Variants in ST6GALNAC6 observed in about 807,000 individuals in gnomAD.
ST6GALNAC6 encodes the protein ST6 N-acetylgalactosaminide alpha-2,6-sialyltransferase 6.
A neutral mutation model predicts 34.3 loss-of-function variants in ST6GALNAC6; 19 were observed. The observed-to-expected ratio is 0.55, with a 90% CI of 0.39 to 0.81. The LOEUF is 0.81. Ranked by LOEUF, ST6GALNAC6 falls within the 40% of genes least tolerant of loss-of-function variation. ST6GALNAC6 has a pLI of 0.00. For missense variants in ST6GALNAC6, 377 were observed against 467.7 expected (o/e 0.81, Z 1.79); for synonymous variants, 185 against 182.1 (o/e 1.02, Z -0.13).
In ST6GALNAC6 at chr9:127,896,271, T is replaced by TGCTGAGGGGTAGGTGTCG. The variant is rs1375369937; in HGVS notation, c.70_87dup (p.His25_Arg30dup). On this transcript the variant is annotated inframe_insertion, in exon 3 of 7. Transcript: ENST00000373146. ...TTGCTACTCATTTCTCTCCGGCGTC[T>TGCTGAGGGGTAGGTGTCG]GCTGAGGGGTAGGTGTCGGCGTCCT... The TGCTGAGGGGTAGGTGTCG allele has an allele frequency of 6.2e-7, 1 of 1,614,124 alleles. No homozygotes were observed. The highest frequency in any genetic ancestry group is 1.1e-5 in the South Asian group (1 of 91,076).
chr9:127,905,878 C>G, upstream of ST6GALNAC6: 1 of 946,564 alleles, frequency 1.1e-6, no homozygotes, highest in South Asian at 4.9e-5. Context: ...CAGGGCCCTC[C>G]CTCTGAGCCC....
intron 5 of ST6GALNAC6, among the ~76,000 whole-genome samples, chr9:127,889,282 A>C (rs1829987919): frequency 6.8e-6 from 1 of 147,528 alleles, no homozygotes; most frequent in Non-Finnish European, 1.5e-5. Context: ...CAGGAGGTGG[A>C]GGTGCAGTGA....
chr9:127,898,053 T>C (rs998700921), intron 1 of ST6GALNAC6, 43 bp from the exon 2 acceptor site: 2 of 1,002,270 alleles, frequency 2.0e-6, no homozygotes, highest in East Asian at 2.6e-5. Flanking sequence ...CAAGGGGTTG[T>C]TGGAAGGATT....
At chr9:127,889,773 T>C (rs1258531764) in intron 5 of ST6GALNAC6, among the ~76,000 whole-genome samples, 1 of 152,200 alleles carries the variant, frequency 6.6e-6, no homozygotes, top group Non-Finnish European at 1.5e-5. Context: ...GCCATTTCTA[T>C]ATATTAGCAA....
In ST6GALNAC6 at chr9:127,896,292, G is replaced by A. The variant is rs375613508; in HGVS notation, c.67C>T (p.Arg23Cys). 6.6e-5 allele frequency: 106 copies of A among 1,613,980 alleles called. No individual in the cohort carries two copies. The African/African-American group carries it at 7.7e-4, about 12-fold the overall frequency. ...CGTCTGCTGAGGGGTAGGTGTCGGCGTCCTGCAGGTGGCCCTGGGGGCAGG... is the reference window on the plus strand; with the variant it reads ...CGTCTGCTGAGGGGTAGGTGTCGGCATCCTGCAGGTGGCCCTGGGGGCAGG... ...TSLPPGPPAG[R>C]RHLPLSRRRR... The change falls in exon 3 of 7, where the codon CGC (arginine) becomes TGC (cysteine). Residue 23 changes from arginine to cysteine, a missense_variant. Arg to Cys is a radical substitution (Grantham distance 180). Transcript: ENST00000373146.
Position 127,887,428 on chromosome 9 carries a change from T to C in ST6GALNAC6, c.812+56A>G, listed in dbSNP as rs570260584. The C allele has an allele frequency of 2.0e-6, 3 of 1,466,528 alleles. No individual in the cohort carries two copies. In the East Asian group the frequency reaches 7.2e-5, roughly 35 times the overall value. 90.8% of individuals were successfully genotyped at this position (1,466,528 alleles called of 1,614,324 possible). A position where few individuals can be genotyped will look rare whatever the true frequency, so the allele number is the denominator to read the frequency against. ...AAGGTTTCCAGCCCCTAGAGCTCCA[T>C]CCTGCGGCCAGTGCCTGGGTGTTGT... On this transcript the variant is annotated intron_variant, in intron 6 of 6. Transcript: ENST00000373146.
At chr9:127,896,829 C>T (rs368509164) in intron 2 of ST6GALNAC6, 19 of 980,372 alleles carry the variant, frequency 1.9e-5, no homozygotes, top group Admixed American at 6.2e-5. Context: ...AACTCCCCTA[C>T]GTCCTCCCAT....
chr9:127,891,138 C>T, intron 4 of ST6GALNAC6, 95 bp from the exon 5 acceptor site: 5 of 1,409,438 alleles, frequency 3.5e-6, no homozygotes, highest in Non-Finnish European at 4.8e-6. Flanking sequence ...ATTGTTATGC[C>T]CATTTTAAAG....
chr9:127,906,583 AACCAGCTAGC>A, upstream of ST6GALNAC6, among the ~76,000 whole-genome samples: 1 of 152,120 alleles, frequency 6.6e-6, no homozygotes, highest in Middle Eastern at 3.4e-3. Flanking sequence ...TCATCTGTAA[AACCAGCTAGC>A]ACCAGTCCTC....
Position 127,899,521 on chromosome 9 carries a change from G to C in ST6GALNAC6, c.-48C>G. On this transcript the variant is annotated 5_prime_UTR_variant, in exon 1 of 7. Transcript: ENST00000373146. ...TGCTCACCTCCGGCGGGGAGCGCCCGGCCCCCCGCGGCCCCCGAGCCCCCT... is the reference window on the plus strand; with the variant it reads ...TGCTCACCTCCGGCGGGGAGCGCCCCGCCCCCCGCGGCCCCCGAGCCCCCT... 1 of 980,298 alleles carries C rather than the reference G, an allele frequency of 1.0e-6. No individual in the cohort carries two copies. The allele number at this position is 980,298 out of a possible 1,614,324, so 60.7% of individuals were successfully genotyped here. A position where few individuals can be genotyped will look rare whatever the true frequency, so the allele number is the denominator to read the frequency against.
At chr9:127,905,981 C>T (rs560545938), upstream of ST6GALNAC6, 151 of 985,612 alleles carry the variant, frequency 1.5e-4, 1 homozygote, top group Non-Finnish European at 1.8e-4. Context: ...GCTGTGGCTC[C>T]GCTGCCAGCC....
upstream of ST6GALNAC6, chr9:127,905,928 C>T: frequency 2.0e-6 from 2 of 985,496 alleles, no homozygotes; most frequent in Non-Finnish European, 2.4e-6. Context: ...CTCCATCCCG[C>T]CCTTACCTCT....
chr9:127,897,959 CT>C lies in ST6GALNAC6; in HGVS notation c.22del (p.Ser8AlafsTer28). 6.2e-7 allele frequency: 1 copy of C among 1,609,644 alleles called. No individual in the cohort carries two copies. MACSRPPSQCEPTSLPPG... is the reference protein window; with the variant it reads MACSRPPXQCEPTSLPPG... ...GAATCCCGGTTTCACCACTTACTGG[CT>C]GGGGGGCCTCGAGCAAGCCATGTGA... On this transcript the variant is annotated frameshift_variant, in exon 2 of 7. Coordinates refer to ENST00000373146, the MANE Select transcript of ST6GALNAC6 (RefSeq NM_013443.5). LOFTEE classifies it high-confidence loss of function.
upstream of ST6GALNAC6, among the ~76,000 whole-genome samples, chr9:127,906,217 C>T (rs189767044): frequency 6.6e-6 from 1 of 150,752 alleles, no homozygotes; most frequent in East Asian, 1.9e-4. Flanking sequence ...GGATCCAGTG[C>T]AAAATGAAAA....
Position 127,885,602 on chromosome 9 carries a change from C to T in ST6GALNAC6, c.*997G>A, listed in dbSNP as rs1236884681. Reference sequence around the variant, plus strand: ...GCTCCCGACAGCCATCCCAGGACGACAGAGGGTCGAGGGAGACCCTCGGAA... The same window carrying T: ...GCTCCCGACAGCCATCCCAGGACGATAGAGGGTCGAGGGAGACCCTCGGAA... On this transcript the variant is annotated 3_prime_UTR_variant, in exon 7 of 7. Coordinates refer to ENST00000373146, the MANE Select transcript of ST6GALNAC6 (RefSeq NM_013443.5). The T allele has an allele frequency of 6.6e-6, 1 of 152,326 alleles. No homozygotes were observed. Among genetic ancestry groups the T allele is most frequent in the Non-Finnish European group, 1.5e-5 (1 of 68,142 alleles). 9.4% of individuals were successfully genotyped at this position (152,326 alleles called of 1,614,324 possible).
chr9:127,905,374 G>A (rs1161578597), upstream of ST6GALNAC6: 1 of 985,458 alleles, frequency 1.0e-6, no homozygotes, highest in African/African-American at 1.7e-5. Context: ...ACCACCCCCA[G>A]AAAGACACAC....
chr9:127,886,393 G>T lies in ST6GALNAC6; in HGVS notation c.*206C>A. The T allele has an allele frequency of 7.0e-7, 1 of 1,419,598 alleles. No homozygotes were observed. The highest frequency in any genetic ancestry group is 1.5e-5 in the South Asian group (1 of 66,780). The allele number at this position is 1,419,598 out of a possible 1,614,324, so 87.9% of individuals were successfully genotyped here. A position where few individuals can be genotyped will look rare whatever the true frequency, so the allele number is the denominator to read the frequency against. On this transcript the variant is annotated 3_prime_UTR_variant, in exon 7 of 7. Coordinates refer to ENST00000373146, the MANE Select transcript of ST6GALNAC6 (RefSeq NM_013443.5). The stretch of plus-strand genomic sequence containing the variant: ...CTGACTGCACAAGAAAGACACCCCT[G>T]ATTAACCGCATAGACTCCCAAATCC...
rs1011382538 is a variant in ST6GALNAC6, at chr9:127,897,750, G to A, written c.26+206C>T. The A allele has an allele frequency of 1.5e-5, 19 of 1,285,392 alleles. No individual in the cohort carries two copies. In the African/African-American group the frequency reaches 2.4e-4, roughly 16 times the overall value. 79.6% of individuals were successfully genotyped at this position (1,285,392 alleles called of 1,614,324 possible). ...ACCTTGGCATTCAAGGCGCCCAGGG[G>A]TCCAGCCGCCTATATCTTACTACGC... On this transcript the variant is annotated intron_variant, in intron 2 of 6. Transcript: ENST00000373146.
Position 127,885,488 on chromosome 9 carries a change from A to T in ST6GALNAC6, c.*1111T>A, listed in dbSNP as rs1344290281. The T allele has an allele frequency of 6.5e-6, 1 of 152,820 alleles. No homozygotes were observed. Among genetic ancestry groups the T allele is most frequent in the Non-Finnish European group, 1.5e-5 (1 of 68,546 alleles). 9.5% of individuals were successfully genotyped at this position (152,820 alleles called of 1,614,324 possible). On this transcript the variant is annotated 3_prime_UTR_variant, in exon 7 of 7. Transcript: ENST00000373146. ...CTGAAGCCCTTTCCTTCCAGGCTCC[A>T]GAAGAGCAGGAGACAAACACACCCC...
Sources: gnomAD v4.1 joint callset for allele counts (sites outside exome capture counted in the v4.1 genomes callset) on GRCh38, gnomAD v4.1.1 for gene constraint, MANE v1.5 for transcripts, NCBI Gene and HGNC (gene_info 2026-07-23, HGNC 2026-07-21) for gene names.